MTERF4: variants seen among roughly 807,000 people sequenced by gnomAD.
MTERF4 encodes the protein transcription termination factor 4, mitochondrial.
In MTERF4, 17 loss-of-function variants were observed where a neutral mutation model predicts 22.5. The observed-to-expected ratio is 0.75, with a 90% CI of 0.52 to 1.13. The LOEUF (loss-of-function observed/expected upper bound fraction) is 1.13. MTERF4 is among the 50% of genes most tolerant of loss of function. The pLI is 0.00. For synonymous variants in MTERF4, 165 were observed against 175.3 expected, an observed-to-expected ratio of 0.94 and a Z score of 0.47; for missense variants, 420 against 466.8, an observed-to-expected ratio of 0.90 and a Z score of 0.92.
At chr2:241,052,589 G>GC in the MTERF4 span, 3 of 780,572 alleles carry the variant, frequency 3.8e-6, no homozygotes, top group African/African-American at 1.7e-5. Context: ...GGGCCAGGGG[G>GC]CCAAGCAGGA....
At chr2:241,047,714 T>G in the MTERF4 span, among the ~76,000 whole-genome samples, 1 of 152,266 alleles carries the variant, frequency 6.6e-6, no homozygotes, top group African/African-American at 2.4e-5. Flanking sequence ...GGGTGGTCTC[T>G]CTGGTCCTTC....
downstream of MTERF4, chr2:241,092,075 C>A (rs1318490537): frequency 3.3e-5 from 5 of 152,326 alleles, no homozygotes; most frequent in Admixed American, 3.3e-4. This position sits in a 1 kb window ranked among gnomAD's most constrained non-coding sequence, Gnocchi z 4.6. Flanking sequence ...TGAGAAGGAA[C>A]TGTGATGGAC....
At chr2:241,053,443 C>A in the MTERF4 span, 1 of 1,011,672 alleles carries the variant, frequency 9.9e-7, no homozygotes, top group South Asian at 1.6e-5. Flanking sequence ...CTGACCTGGT[C>A]CTGCCCCTGC....
In MTERF4 at chr2:241,096,668, AAAGGGGCAGGAGGGAG is replaced by A. The variant is rs745973472; in HGVS notation, c.706-246_706-231del. On this transcript the variant is annotated intron_variant, in intron 3 of 3. Coordinates refer to ENST00000391980, the MANE Select transcript of MTERF4 (RefSeq NM_182501.4). This position sits in a 1 kb window ranked among gnomAD's most constrained non-coding sequence, Gnocchi z 5.1. Reference sequence around the variant, plus strand: ...GCAGGAAATAAAGGGGTGGGAGGGAAAAGGGGCAGGAGGGAGAAGGGGCAGAAGGAAGAGGTGGTAT... The same window carrying A: ...GCAGGAAATAAAGGGGTGGGAGGGAAAAGGGGCAGAAGGAAGAGGTGGTAT... 1.5e-6 allele frequency: 1 copy of A among 688,562 alleles called. No homozygotes were observed. The highest frequency in any genetic ancestry group is 1.8e-5 in the African/African-American group (1 of 56,790). 42.7% of individuals were successfully genotyped at this position (688,562 alleles called of 1,614,324 possible).
At chr2:241,088,422 G>A (rs200497916), downstream of MTERF4, 11 of 1,601,526 alleles carry the variant, frequency 6.9e-6, no homozygotes, top group African/African-American at 1.3e-5. Context: ...TGCTGCTCCC[G>A]CCCCACTACC....
chr2:241,070,114 C>G (rs201532756), downstream of MTERF4: 2 of 1,612,674 alleles, frequency 1.2e-6, no homozygotes, highest in Non-Finnish European at 1.7e-6. Context: ...GCTGCCGGGA[C>G]GGCGGTACCA....
At chr2:241,087,599 T>G (rs535155381), downstream of MTERF4, 54 of 1,450,102 alleles carry the variant, frequency 3.7e-5, 2 homozygotes, top group South Asian at 7.1e-4. Context: ...CTCGCCCAGA[T>G]AGGCAGCCCC....
chr2:241,043,453 A>G, the MTERF4 span, among the ~76,000 whole-genome samples: 21 of 152,314 alleles, frequency 1.4e-4, no homozygotes, highest in Non-Finnish European at 8.8e-5. Flanking sequence ...ACTTTTTTAC[A>G]CAAACAAAAA....
downstream of MTERF4, among the ~76,000 whole-genome samples, chr2:241,091,420 G>A (rs966479256): frequency 1.6e-4 from 25 of 151,972 alleles, no homozygotes; most frequent in African/African-American, 3.9e-4. The surrounding 1 kb of genome is among the most constrained non-coding windows in gnomAD (Gnocchi z 4.1). Flanking sequence ...GCCCCTCCCC[G>A]TGTGCACTGC....
downstream of MTERF4, chr2:241,087,476 G>A: frequency 6.3e-7 from 1 of 1,599,358 alleles, no homozygotes; most frequent in Non-Finnish European, 8.5e-7. Flanking sequence ...CCCCAAACAG[G>A]TGCCTCTGGG....
the MTERF4 span, among the ~76,000 whole-genome samples, chr2:241,044,121 C>T: frequency 6.6e-6 from 1 of 152,018 alleles, no homozygotes; most frequent in South Asian, 2.1e-4. Flanking sequence ...ATACTCAATC[C>T]AGAAGGCAGG....
chr2:241,047,821 T>A, the MTERF4 span, among the ~76,000 whole-genome samples: 4 of 151,436 alleles, frequency 2.6e-5, no homozygotes, highest in African/African-American at 7.3e-5. Context: ...CATTCCCAGG[T>A]GGTTTCTCTG....
chr2:241,097,320 G>C lies in MTERF4; in HGVS notation c.628C>G (p.Gln210Glu), dbSNP rs751306664. ...CTGTGCAAAATCTTGGTGACTTGCTGTACCGTGAAAAGGCACTTCTCCTTG... is the reference window on the plus strand; with the variant it reads ...CTGTGCAAAATCTTGGTGACTTGCTCTACCGTGAAAAGGCACTTCTCCTTG... Reference protein sequence around the residue: ...LLKEKCLFTVQQVTKILHSCP... With the variant: ...LLKEKCLFTVEQVTKILHSCP... Residue 210 changes from glutamine to glutamate, a missense_variant, in exon 3 of 4, where the codon CAG (glutamine) becomes GAG (glutamate). Physicochemically the swap from Gln to Glu is conservative, Grantham distance 29 (BLOSUM62 2). Transcript: ENST00000391980. The C allele has an allele frequency of 3.2e-5, 52 of 1,614,066 alleles. No homozygotes were observed. The highest frequency in any genetic ancestry group is 3.3e-4 in the Middle Eastern group (2 of 6,084).
At chr2:241,079,503 C>A (rs1185954045) in intron 4 of MTERF4, among the ~76,000 whole-genome samples, 1 of 151,604 alleles carries the variant, frequency 6.6e-6, no homozygotes, top group Non-Finnish European at 1.5e-5. Context: ...CAAATTTTGT[C>A]CTCATTTTAA....
At chr2:241,071,390 G>C (rs2062706859), downstream of MTERF4, 1 of 647,450 alleles carries the variant, frequency 1.5e-6, no homozygotes. Flanking sequence ...GCGGCGGGTG[G>C]GCTGGAAGGG....
chr2:241,070,147 A>G, downstream of MTERF4: 4 of 1,610,622 alleles, frequency 2.5e-6, no homozygotes, highest in Non-Finnish European at 3.4e-6. Context: ...AGCAGTGCAG[A>G]GCACGGAGCT....
chr2:241,082,280 G>A (rs1400372566), downstream of MTERF4: 2 of 1,612,100 alleles, frequency 1.2e-6, no homozygotes. Context: ...GTCGCAGCCT[G>A]TATAAAGGTG....
At position 241,097,322 on chromosome 2, in the gene MTERF4, A is replaced by T. The variant is rs1471029057; in HGVS notation, c.626T>A (p.Val209Glu). The T allele has an allele frequency of 6.2e-7, 1 of 1,614,210 alleles. No individual in the cohort carries two copies. Among genetic ancestry groups the T allele is most frequent in the Non-Finnish European group, 8.5e-7 (1 of 1,180,038 alleles). ...GTGCAAAATCTTGGTGACTTGCTGT[A>T]CCGTGAAAAGGCACTTCTCCTTGAG... is the stretch of plus-strand genomic sequence containing the variant. ...RLLKEKCLFT[V>E]QQVTKILHSC... The change falls in exon 3 of 4, where the codon GTA (valine) becomes GAA (glutamate). Residue 209 changes from valine to glutamate, a missense_variant. Val to Glu is a moderately radical substitution (Grantham distance 121). Coordinates refer to ENST00000391980, the MANE Select transcript of MTERF4 (RefSeq NM_182501.4).
In MTERF4 at chr2:241,097,265, C is replaced by T; in HGVS notation, c.683G>A (p.Gly228Asp). 1 of 1,614,032 alleles carries T rather than the reference C, an allele frequency of 6.2e-7. No individual in the cohort carries two copies. Among genetic ancestry groups the T allele is most frequent in the Non-Finnish European group, 8.5e-7 (1 of 1,179,984 alleles). Reference protein sequence around the residue: ...SCPSVLREDLGQLEYKFQYAY... With the variant: ...SCPSVLREDLDQLEYKFQYAY... Reference sequence around the variant, plus strand: ...CACCTGAAACTTGTATTCCAGTTGACCCAGGTCCTCTCGAAGAACAGAGGG... The same window carrying T: ...CACCTGAAACTTGTATTCCAGTTGATCCAGGTCCTCTCGAAGAACAGAGGG... The change falls in exon 3 of 4, where the codon GGT becomes GAT. Residue 228 changes from glycine to aspartate, a missense_variant. Gly to Asp is a moderately conservative substitution (Grantham distance 94). Transcript: ENST00000391980.
Sources: allele counts gnomAD v4.1 joint callset (sites outside exome capture counted in the v4.1 genomes callset), GRCh38; gene constraint gnomAD v4.1.1; non-coding constraint Gnocchi (gnomAD v3.1); transcripts MANE v1.5; gene names NCBI Gene and HGNC (gene_info 2026-07-23, HGNC 2026-07-21).